Variants in ZFAND3 observed in about 807,000 individuals in gnomAD.
The protein encoded by ZFAND3 is zinc finger AN1-type containing 3.
In ZFAND3, 10 loss-of-function variants were observed where a neutral mutation model predicts 29.6. That is an observed-to-expected ratio of 0.34 (90% confidence interval 0.21 to 0.57). ZFAND3 has a LOEUF of 0.57. Among genes scored for constraint, ZFAND3 ranks in the 20% least tolerant of loss-of-function variants. The pLI, the probability that ZFAND3 is intolerant of heterozygous loss-of-function variation, is 0.86. For missense variants in ZFAND3, 230 were observed against 304.5 expected (o/e 0.76, Z 1.82); for synonymous variants, 128 against 112.6 (o/e 1.14, Z -0.87).
intron 1 of ZFAND3, among the ~76,000 whole-genome samples, chr6:37,914,520 G>A (rs1006867792): frequency 6.6e-6 from 1 of 152,024 alleles, no homozygotes; most frequent in Non-Finnish European, 1.5e-5. Context: ...TGTATTTTTA[G>A]TAGAGATGGG....
intron 2 of ZFAND3, among the ~76,000 whole-genome samples, chr6:38,044,330 T>C (rs1763854946): frequency 6.6e-6 from 1 of 152,206 alleles, no homozygotes; most frequent in Non-Finnish European, 1.5e-5. Context: ...TTAAAAAACA[T>C]ATTGCTGGAT....
intron 2 of ZFAND3, among the ~76,000 whole-genome samples, chr6:37,937,920 G>A (rs1761733947): frequency 6.6e-6 from 1 of 151,886 alleles, no homozygotes; most frequent in Non-Finnish European, 1.5e-5. Flanking sequence ...TGGATGGTTG[G>A]GTGTCTGACA....
At chr6:37,826,638 A>T (rs1216404081) in intron 1 of ZFAND3, among the ~76,000 whole-genome samples, 4 of 152,014 alleles carry the variant, frequency 2.6e-5, no homozygotes, top group Non-Finnish European at 5.9e-5. Context: ...CTGTAGTCTC[A>T]GCTACTTGGG....
At position 38,031,094 on chromosome 6, in the gene ZFAND3, C is replaced by T. The variant is rs75436015; in HGVS notation, c.113-30499C>T. Among the ~76,000 whole-genome samples the T allele has an allele frequency of 8.6e-3, 1,316 of 152,258 alleles. 17 individuals carry two copies. Among genetic ancestry groups the T allele is most frequent in the African/African-American group, 0.03 (1,242 of 41,552 alleles). On this transcript the variant is annotated intron_variant, in intron 2 of 5. Coordinates refer to ENST00000287218, the MANE Select transcript of ZFAND3 (RefSeq NM_021943.3). ...AAAGAGCCAACCTTTCTTAAGGTTA[C>T]GTAGCCAAGATAGGACCCAGGTCTT...
chr6:38,066,009 CT>C (rs1162849135), intron 3 of ZFAND3, among the ~76,000 whole-genome samples: 1 of 152,082 alleles, frequency 6.6e-6, no homozygotes, highest in African/African-American at 2.4e-5. Context: ...GGGAGTCTGG[CT>C]TGTTCTCCCC....
chr6:38,064,426 A>G (rs1764302512), intron 3 of ZFAND3, among the ~76,000 whole-genome samples: 1 of 152,356 alleles, frequency 6.6e-6, no homozygotes, highest in Non-Finnish European at 1.5e-5. Flanking sequence ...CAAAAAGATT[A>G]AGTAATTTGC....
chr6:37,978,285 C>T (rs1435071015), intron 2 of ZFAND3, among the ~76,000 whole-genome samples: 1 of 152,164 alleles, frequency 6.6e-6, no homozygotes, highest in African/African-American at 2.4e-5. Context: ...AGCAGTCATA[C>T]AATTTTGGGA....
At chr6:38,124,904 C>G (rs190670766) in intron 5 of ZFAND3, among the ~76,000 whole-genome samples, 1 of 152,104 alleles carries the variant, frequency 6.6e-6, no homozygotes, top group Non-Finnish European at 1.5e-5. Context: ...AAGCAAAAGA[C>G]CCCGGCCTTT....
intron 3 of ZFAND3, 115 bp from the exon 4 acceptor site, chr6:38,082,277 G>A (rs1043426994): frequency 1.1e-5 from 10 of 911,610 alleles, no homozygotes; most frequent in Admixed American, 2.9e-5. Flanking sequence ...ACTTCTCCTC[G>A]TTATATTTTC....
rs67495073 is a variant in ZFAND3 at position 38,012,377 on chromosome 6, A to ATTTTTT, written c.113-49202_113-49197dup. Among the ~76,000 whole-genome samples, 16 of 123,334 alleles carry ATTTTTT rather than the reference A, an allele frequency of 1.3e-4. No homozygotes were observed. In the East Asian group the frequency reaches 2.5e-3, roughly 19 times the overall value. The allele number at this position is 123,334 out of a possible 152,430, so 80.9% of individuals were successfully genotyped here. ...AGCTTCCTCCTTTCTTTTTGATAGT[A>ATTTTTT]TTTTTTTTTTTTTTTTTTTGAGTCG... On this transcript the variant is annotated intron_variant, in intron 2 of 5. Coordinates refer to ENST00000287218, the MANE Select transcript of ZFAND3 (RefSeq NM_021943.3).
intron 3 of ZFAND3, among the ~76,000 whole-genome samples, chr6:38,076,635 A>C (rs1764558828): frequency 6.6e-6 from 1 of 152,212 alleles, no homozygotes; most frequent in African/African-American, 2.4e-5. Context: ...ATTCCTTAAA[A>C]AGTTTTGTAA....
chr6:38,023,362 T>A (rs1287242741), intron 2 of ZFAND3, among the ~76,000 whole-genome samples: 4 of 152,202 alleles, frequency 2.6e-5, no homozygotes, highest in Non-Finnish European at 5.9e-5. Flanking sequence ...TAATAACATT[T>A]TAAGACATTT....
intron 2 of ZFAND3, among the ~76,000 whole-genome samples, chr6:37,949,591 G>GAC (rs1761962306): frequency 2.6e-5 from 4 of 152,258 alleles, no homozygotes; most frequent in African/African-American, 7.2e-5. Flanking sequence ...CGGAACTTCT[G>GAC]ACACACACAT....
intron 1 of ZFAND3, among the ~76,000 whole-genome samples, chr6:37,861,505 A>T (rs1291772603): frequency 6.6e-6 from 1 of 152,200 alleles, no homozygotes; most frequent in Non-Finnish European, 1.5e-5. Flanking sequence ...GTGAAAAAAG[A>T]ACTGTTTCAG....
intron 2 of ZFAND3, among the ~76,000 whole-genome samples, chr6:37,947,621 A>G (rs932511332): frequency 1.3e-5 from 2 of 152,212 alleles, no homozygotes; most frequent in African/African-American, 2.4e-5. Context: ...GCAGTGATTA[A>G]GAGGAAACAA....
chr6:38,079,976 G>A (rs747804214), intron 3 of ZFAND3, among the ~76,000 whole-genome samples: 1 of 151,164 alleles, frequency 6.6e-6, no homozygotes, highest in East Asian at 2.0e-4. Context: ...AATCCCTCAG[G>A]ATGTACATTT....
chr6:37,881,506 A>G (rs762358227), intron 1 of ZFAND3, among the ~76,000 whole-genome samples: 1 of 152,164 alleles, frequency 6.6e-6, no homozygotes, highest in Non-Finnish European at 1.5e-5. Context: ...AGCAGGAGGT[A>G]GGATTGCTGC....
intron 2 of ZFAND3, among the ~76,000 whole-genome samples, chr6:37,935,536 T>G (rs1041999420): frequency 6.6e-6 from 1 of 152,162 alleles, no homozygotes; most frequent in Non-Finnish European, 1.5e-5. Flanking sequence ...GGGTAGACAA[T>G]TTAATGGGTC....
In ZFAND3 at chr6:38,153,469, T is replaced by A; in HGVS notation, c.*1080T>A. ...GGACACCCAGTCCACATCTACCATATAGCAAGTTTAGTAAGGGAAGGCAGC... is the reference window on the plus strand; with the variant it reads ...GGACACCCAGTCCACATCTACCATAAAGCAAGTTTAGTAAGGGAAGGCAGC... On this transcript the variant is annotated 3_prime_UTR_variant, in exon 6 of 6. Coordinates refer to ENST00000287218, the MANE Select transcript of ZFAND3 (RefSeq NM_021943.3). 1.0e-6 allele frequency: 1 copy of A among 985,578 alleles called. No individual in the cohort carries two copies. The highest frequency in any genetic ancestry group is 4.7e-5 in the South Asian group (1 of 21,286). 61.1% of individuals were successfully genotyped at this position (985,578 alleles called of 1,614,324 possible). A position where few individuals can be genotyped will look rare whatever the true frequency, so the allele number is the denominator to read the frequency against.
Sources: gnomAD v4.1 joint callset for allele counts (sites outside exome capture counted in the v4.1 genomes callset) on GRCh38, gnomAD v4.1.1 for gene constraint, MANE v1.5 for transcripts, NCBI Gene and HGNC (gene_info 2026-07-23, HGNC 2026-07-21) for gene names.